DPP10: variants seen among roughly 807,000 people sequenced by gnomAD.
The protein encoded by DPP10 is dipeptidyl peptidase like 10, also known as inactive dipeptidyl peptidase 10.
Under a neutral mutation model 120.9 loss-of-function variants are expected in DPP10, and 33 were observed. The observed-to-expected ratio is 0.27, with a 90% CI of 0.21 to 0.37. The LOEUF (loss-of-function observed/expected upper bound fraction) is 0.37. DPP10 is among the 10% of genes least tolerant of loss of function. DPP10 has a pLI of 1.00. For missense variants in DPP10, 816 were observed against 942.8 expected, an observed-to-expected ratio of 0.87 and a Z score of 1.76; for synonymous variants, 337 against 326.1, an observed-to-expected ratio of 1.03 and a Z score of -0.36.
chr2:115,332,403 GT>G (rs1475962406), intron 2 of DPP10, among the ~76,000 whole-genome samples: 2 of 151,984 alleles, frequency 1.3e-5, no homozygotes, highest in African/African-American at 2.4e-5. Flanking sequence ...TTTTTGAAGG[GT>G]TTTTTATATC....
At chr2:115,703,060 T>C (rs1461595946) in intron 7 of DPP10, among the ~76,000 whole-genome samples, 1 of 152,028 alleles carries the variant, frequency 6.6e-6, no homozygotes, top group African/African-American at 2.4e-5. Context: ...TCTATAATTG[T>C]ATCACGAAGA....
intron 19 of DPP10, among the ~76,000 whole-genome samples, chr2:115,801,535 GT>G (rs1685238562): frequency 1.3e-5 from 2 of 152,238 alleles, no homozygotes; most frequent in South Asian, 4.1e-4. Context: ...AATACTTCCA[GT>G]TTTTGCCCAT....
At chr2:115,834,894 G>A (rs1402399787) in intron 21 of DPP10, among the ~76,000 whole-genome samples, 1 of 152,024 alleles carries the variant, frequency 6.6e-6, no homozygotes, top group African/African-American at 2.4e-5. Context: ...AGACCATCCT[G>A]GCTAACACGG....
At chr2:115,086,922 T>C (rs138016294) in intron 1 of DPP10, among the ~76,000 whole-genome samples, 94 of 152,304 alleles carry the variant, frequency 6.2e-4, no homozygotes, top group African/African-American at 2.1e-3. Flanking sequence ...CTTCAAATAT[T>C]TTACAGGGCT....
At chr2:114,971,957 GA>G (rs1255869667) in intron 1 of DPP10, among the ~76,000 whole-genome samples, 1 of 152,158 alleles carries the variant, frequency 6.6e-6, no homozygotes, top group Non-Finnish European at 1.5e-5. Flanking sequence ...AATCAAGCCT[GA>G]AAACTTGGAT....
At chr2:115,381,322 C>A (rs1197862008) in intron 3 of DPP10, among the ~76,000 whole-genome samples, 6 of 152,024 alleles carry the variant, frequency 3.9e-5, no homozygotes, top group Non-Finnish European at 7.3e-5. Context: ...ATCACTAATA[C>A]CCTTTCTTCC....
chr2:114,665,134 A>T (rs980510433), intron 1 of DPP10, among the ~76,000 whole-genome samples: 1 of 152,250 alleles, frequency 6.6e-6, no homozygotes, highest in African/African-American at 2.4e-5. Context: ...ATAGTGGTCA[A>T]GGAAAAAAAT....
chr2:114,657,029 T>C (rs1289406906), intron 1 of DPP10, among the ~76,000 whole-genome samples: 1 of 152,128 alleles, frequency 6.6e-6, no homozygotes. Flanking sequence ...AGATCATAAA[T>C]CTGGGCCTGT....
chr2:115,249,507 G>C (rs2058668389), intron 1 of DPP10, among the ~76,000 whole-genome samples: 1 of 152,142 alleles, frequency 6.6e-6, no homozygotes, highest in South Asian at 2.1e-4. Context: ...AAATGAGGTT[G>C]AAAATGCAGT....
intron 1 of DPP10, among the ~76,000 whole-genome samples, chr2:114,599,700 C>T (rs1386195111): frequency 1.3e-5 from 2 of 151,600 alleles, no homozygotes; most frequent in African/African-American, 2.4e-5. Flanking sequence ...GAACGTACAC[C>T]TTGTATAAGT....
At chr2:115,545,342 A>G (rs758006417) in intron 5 of DPP10, among the ~76,000 whole-genome samples, 36 of 152,170 alleles carry the variant, frequency 2.4e-4, no homozygotes, top group Non-Finnish European at 4.6e-4. Context: ...GTTACATGTA[A>G]TTCCTGCCTT....
chr2:115,684,525 C>G lies in DPP10; in HGVS notation c.442-5162C>G, dbSNP rs532999473. Among the ~76,000 whole-genome samples, 455 of 151,940 alleles carry G rather than the reference C, an allele frequency of 3.0e-3. 3 individuals are homozygous for G. Among genetic ancestry groups the G allele is most frequent in the African/African-American group, 0.01 (424 of 41,490 alleles). On this transcript the variant is annotated intron_variant, in intron 5 of 25. Coordinates refer to ENST00000410059, the MANE Select transcript of DPP10 (RefSeq NM_020868.6). ...CACAGTAGCTTGCTTTCTCACAGTT[C>G]AGTTTTCCTAACTGTTTGATTCCAT...
chr2:115,207,364 G>A (rs193210672), intron 1 of DPP10, among the ~76,000 whole-genome samples: 134 of 121,442 alleles, frequency 1.1e-3, no homozygotes, highest in African/African-American at 3.7e-3. Context: ...ATTGTGAACC[G>A]TTTATAAACC....
At chr2:115,469,285 CTG>C (rs2074534539) in intron 3 of DPP10, among the ~76,000 whole-genome samples, 1 of 152,154 alleles carries the variant, frequency 6.6e-6, no homozygotes, top group Non-Finnish European at 1.5e-5. Context: ...AGTATTCAAA[CTG>C]AAATTATTCT....
At chr2:115,310,161 G>A (rs2061521633) in intron 2 of DPP10, among the ~76,000 whole-genome samples, 1 of 152,094 alleles carries the variant, frequency 6.6e-6, no homozygotes, top group South Asian at 2.1e-4. Context: ...ACAGTGTTAT[G>A]AAAAATAGTC....
At chr2:114,692,944 A>T (rs1699856591) in intron 1 of DPP10, among the ~76,000 whole-genome samples, 1 of 151,848 alleles carries the variant, frequency 6.6e-6, no homozygotes, top group South Asian at 2.1e-4. Flanking sequence ...ATTTTCCTCC[A>T]TCCCTTTATT....
intron 19 of DPP10, among the ~76,000 whole-genome samples, chr2:115,812,712 A>G (rs1430069224): frequency 2.0e-5 from 3 of 152,226 alleles, no homozygotes; most frequent in Non-Finnish European, 4.4e-5. Context: ...AAATCACATT[A>G]AATGAGTGAT....
At chr2:115,817,183 T>C (rs932313036) in intron 21 of DPP10, among the ~76,000 whole-genome samples, 41 of 150,786 alleles carry the variant, frequency 2.7e-4, no homozygotes, top group Non-Finnish European at 4.9e-4. Flanking sequence ...GGAGGCAGAG[T>C]TTGAAGTGAG....
chr2:114,866,112 A>AAAATAAATAAATAAATAAAT (rs10650348), intron 1 of DPP10, among the ~76,000 whole-genome samples: 7 of 141,598 alleles, frequency 4.9e-5, no homozygotes, highest in Non-Finnish European at 7.7e-5. Context: ...CTCTGTCTCA[A>AAAATAAATAAATAAATAAAT]AAATAAATAA....
Sources: gnomAD v4.1 joint callset for allele counts (sites outside exome capture counted in the v4.1 genomes callset) on GRCh38, gnomAD v4.1.1 for gene constraint, MANE v1.5 for transcripts, NCBI Gene and HGNC (gene_info 2026-07-23, HGNC 2026-07-21) for gene names.